Variants in TUB observed in about 807,000 individuals in gnomAD.
TUB encodes tubby protein homolog.
TUB carries 33 observed loss-of-function variants against 59.7 expected under a neutral mutation model. The ratio of observed to expected loss-of-function variants is 0.55; its 90% CI spans 0.42 to 0.74. The LOEUF is 0.74. Among genes scored for constraint, TUB ranks in the 30% least tolerant of loss-of-function variants. The pLI is 0.00. For synonymous variants in TUB, 293 were observed against 256.4 expected (o/e 1.14, Z -1.36); for missense variants, 659 against 672.0 (o/e 0.98, Z 0.21).
In TUB at chr11:8,062,726, A is replaced by C. The variant is rs560438176; in HGVS notation, c.203+23034A>C. 3.3e-5 allele frequency among the ~76,000 whole-genome samples: 5 copies of C among 152,232 alleles called. No homozygotes were observed. In the East Asian group the frequency reaches 9.7e-4, roughly 29 times the overall value. ...ATGCACATTCCCAGGCTCTGCCCAC[A>C]GGGACTCTAGGGCAGGGCCCAGGAA... On this transcript the variant is annotated intron_variant, in intron 2 of 12. Transcript: ENST00000305253.
chr11:8,041,198 A>T (rs1004271804), intron 2 of TUB, among the ~76,000 whole-genome samples: 1 of 152,106 alleles, frequency 6.6e-6, no homozygotes, highest in African/African-American at 2.4e-5. Context: ...GGGCTGGCTC[A>T]TTTCTGGTGT....
chr11:8,092,091 G>A (rs1023189459), intron 3 of TUB, among the ~76,000 whole-genome samples: 3 of 152,218 alleles, frequency 2.0e-5, no homozygotes, highest in Non-Finnish European at 4.4e-5. Context: ...GATGATGTCA[G>A]GACATCAGAA....
At chr11:8,042,900 T>G (rs530918903) in intron 2 of TUB, among the ~76,000 whole-genome samples, 2 of 152,236 alleles carry the variant, frequency 1.3e-5, no homozygotes, top group African/African-American at 2.4e-5. Flanking sequence ...TTGTCTTCAC[T>G]TTCTTGATGG....
At chr11:8,073,691 G>A (rs1029376722) in intron 2 of TUB, among the ~76,000 whole-genome samples, 1 of 152,166 alleles carries the variant, frequency 6.6e-6, no homozygotes, top group Admixed American at 6.5e-5. Context: ...TGAGCACAGG[G>A]GCCTGAGCGC....
intron 11 of TUB, 126 bp downstream of exon 11, chr11:8,101,123 T>TAG: frequency 8.5e-7 from 1 of 1,178,112 alleles, no homozygotes; most frequent in Non-Finnish European, 1.2e-6. Context: ...CAGCTAAGGT[T>TAG]AGATGTATGG....
At position 8,090,079 on chromosome 11, in the gene TUB, TGGAGCA is replaced by T; in HGVS notation, c.103_108del (p.Glu35_Gln36del). ...TCTGTGCCTCCATAGCGGGCCCTGC[TGGAGCA>T]GAAGCAGAAGAAGAAGCGCCAGGAG... On this transcript the variant is annotated inframe_deletion, in exon 3 of 12. Coordinates refer to ENST00000299506, the MANE Select transcript of TUB (RefSeq NM_177972.3). The T allele has an allele frequency of 6.2e-7, 1 of 1,607,916 alleles. No homozygotes were observed. The highest frequency in any genetic ancestry group is 8.5e-7 in the Non-Finnish European group (1 of 1,177,266).
At chr11:8,080,637 A>T (rs890208636), upstream of TUB, among the ~76,000 whole-genome samples, 2 of 152,172 alleles carry the variant, frequency 1.3e-5, no homozygotes, top group African/African-American at 4.8e-5. Context: ...TACATACTAG[A>T]AATTTGCAAG....
At chr11:8,059,402 G>T (rs967999730) in intron 2 of TUB, among the ~76,000 whole-genome samples, 3 of 152,194 alleles carry the variant, frequency 2.0e-5, no homozygotes, top group Non-Finnish European at 4.4e-5. Flanking sequence ...GGGACAAGAG[G>T]AGCTGCTCAG....
chr11:8,062,879 C>T (rs376070383), intron 2 of TUB, among the ~76,000 whole-genome samples: 2 of 152,306 alleles, frequency 1.3e-5, no homozygotes, highest in East Asian at 3.9e-4. Context: ...ACCTTAGACA[C>T]TCAGACGTTG....
chr11:8,041,244 C>G (rs1942745969), intron 2 of TUB, among the ~76,000 whole-genome samples: 1 of 152,142 alleles, frequency 6.6e-6, no homozygotes, highest in Non-Finnish European at 1.5e-5. Flanking sequence ...ATGGCTCTTC[C>G]CTGTTGAAAG....
At chr11:8,030,151 C>T (rs569446356) in intron 1 of TUB, among the ~76,000 whole-genome samples, 35 of 152,036 alleles carry the variant, frequency 2.3e-4, no homozygotes, top group African/African-American at 3.4e-4. Flanking sequence ...GGGACTTGCC[C>T]GCGCTGAAGT....
rs74741915 is a variant in TUB at position 8,103,848 on chromosome 11, C to T, written c.*2229C>T. The T allele has an allele frequency of 0.05, 7,667 of 152,466 alleles. 250 individuals are homozygous for T. Among genetic ancestry groups the T allele is most frequent in the African/African-American group, 0.089 (3,679 of 41,558 alleles). 9.4% of individuals were successfully genotyped at this position (152,466 alleles called of 1,614,324 possible). On this transcript the variant is annotated 3_prime_UTR_variant, in exon 12 of 12. Coordinates refer to ENST00000299506, the MANE Select transcript of TUB (RefSeq NM_177972.3). ...CTGAGTTCTGGTGAGACGGAGACCC[C>T]GGTGGCAGTGGAAAAATCAGAAGCA...
chr11:8,076,401 CT>C (rs1943448232), upstream of TUB: 3 of 152,210 alleles, frequency 2.0e-5, no homozygotes, highest in Admixed American at 2.0e-4. Context: ...CAAAGGCTGT[CT>C]CTGAAATTCA....
intron 10 of TUB, 92 bp from the exon 11 acceptor site, chr11:8,100,734 T>C: frequency 2.5e-6 from 4 of 1,576,198 alleles, no homozygotes; most frequent in Admixed American, 1.7e-5. Context: ...TCTAGGGAAA[T>C]CCAAGGACCC....
At position 8,103,923 on chromosome 11, in the gene TUB, T is replaced by C. The variant is rs543952300; in HGVS notation, c.*2304T>C. ...TTTCTCCTGTAGCACAAAGAGGGAG[T>C]TGGCTGGATCTTTTGGTGGAGTCAG... On this transcript the variant is annotated 3_prime_UTR_variant, in exon 12 of 12. Transcript: ENST00000299506. 39 of 151,916 alleles carry C rather than the reference T, an allele frequency of 2.6e-4. No individual in the cohort carries two copies. The highest frequency in any genetic ancestry group is 8.9e-4 in the African/African-American group (37 of 41,414). The allele number at this position is 151,916 out of a possible 1,614,324, so 9.4% of individuals were successfully genotyped here. A position where few individuals can be genotyped will look rare whatever the true frequency, so the allele number is the denominator to read the frequency against.
In TUB at chr11:8,041,541, C is replaced by A. The variant is rs149455136; in HGVS notation, c.203+1849C>A. 5.4e-3 allele frequency among the ~76,000 whole-genome samples: 814 copies of A among 151,362 alleles called. 5 individuals carry two copies. The highest frequency in any genetic ancestry group is 0.018 in the African/African-American group (760 of 41,484). On this transcript the variant is annotated intron_variant, in intron 2 of 12. Transcript: ENST00000305253. ...AAGAATATCATCTCCATTTCATCCA[C>A]CCATTACTTGGCATCTTGGGATCAT... is the stretch of plus-strand genomic sequence containing the variant.
intron 3 of TUB, among the ~76,000 whole-genome samples, chr11:8,090,525 G>A (rs1042335711): frequency 2.0e-5 from 3 of 152,256 alleles, no homozygotes; most frequent in African/African-American, 7.2e-5. Flanking sequence ...ATTTCACTGA[G>A]TGCAGGAGGT....
At chr11:8,094,581 T>C (rs1466798215) in intron 4 of TUB, among the ~76,000 whole-genome samples, 2 of 152,228 alleles carry the variant, frequency 1.3e-5, no homozygotes, top group African/African-American at 2.4e-5. Flanking sequence ...CCCATCCTTA[T>C]GCAGCCCTCG....
Position 8,105,195 on chromosome 11 carries a change from A to C in TUB, c.*3576A>C, listed in dbSNP as rs1026355943. 8.5e-5 allele frequency: 13 copies of C among 152,126 alleles called. No homozygotes were observed. The highest frequency in any genetic ancestry group is 3.1e-4 in the African/African-American group (13 of 41,410). The allele number at this position is 152,126 out of a possible 1,614,324, so 9.4% of individuals were successfully genotyped here. On this transcript the variant is annotated 3_prime_UTR_variant, in exon 12 of 12. Coordinates refer to ENST00000299506, the MANE Select transcript of TUB (RefSeq NM_177972.3). ...CAGTAACACTGGCCTTCCCTTCTCT[A>C]ATTCCTTACCCCAGCTGCGGCATCC...
Sources: allele counts gnomAD v4.1 joint callset (sites outside exome capture counted in the v4.1 genomes callset), GRCh38; gene constraint gnomAD v4.1.1; transcripts MANE v1.5; gene names NCBI Gene and HGNC (gene_info 2026-07-23, HGNC 2026-07-21).